TMED5: variants seen among roughly 807,000 people sequenced by gnomAD.
TMED5 encodes the protein transmembrane emp24 domain-containing protein 5.
A neutral mutation model predicts 23.0 loss-of-function variants in TMED5; 27 were observed. The ratio of observed to expected loss-of-function variants is 1.17; its 90% CI spans 0.86 to 1.62. TMED5 has a LOEUF of 1.62. Among genes scored for constraint, TMED5 ranks in the 40% most tolerant of loss-of-function variants. The pLI is 0.00. For synonymous variants in TMED5, 97 were observed against 100.8 expected, an observed-to-expected ratio of 0.96 and a Z score of 0.23; for missense variants, 248 against 273.7, an observed-to-expected ratio of 0.91 and a Z score of 0.66.
At chr1:93,179,051 A>C (rs1455261337) in intron 1 of TMED5, among the ~76,000 whole-genome samples, 1 of 152,182 alleles carries the variant, frequency 6.6e-6, no homozygotes, top group Non-Finnish European at 1.5e-5. Flanking sequence ...TCCCAGCAAG[A>C]ATATTATGCA....
chr1:93,179,823 G>C (rs528116794), intron 1 of TMED5: 1 of 507,052 alleles, frequency 2.0e-6, no homozygotes, highest in Non-Finnish European at 3.5e-6. Flanking sequence ...CCGGAGGAAA[G>C]GGGAGAAGGC....
At chr1:93,170,352 G>A (rs1336940046) in intron 1 of TMED5, among the ~76,000 whole-genome samples, 4 of 152,328 alleles carry the variant, frequency 2.6e-5, no homozygotes, top group East Asian at 1.9e-4. Context: ...CCGCGGCCCC[G>A]CACTGGGAGC....
intron 1 of TMED5, among the ~76,000 whole-genome samples, chr1:93,167,748 T>C (rs1012089619): frequency 2.0e-5 from 3 of 152,220 alleles, no homozygotes; most frequent in African/African-American, 7.2e-5. Context: ...CCTTTATTTG[T>C]TTCTCTTCTC....
chr1:93,178,770 A>G (rs1649056522), intron 1 of TMED5, among the ~76,000 whole-genome samples: 1 of 152,222 alleles, frequency 6.6e-6, no homozygotes, highest in Admixed American at 6.5e-5. Flanking sequence ...ACTTAATCCT[A>G]AAGTTCCATC....
At chr1:93,160,027 C>G in intron 2 of TMED5, 102 bp downstream of exon 2, 1 of 646,390 alleles carries the variant, frequency 1.5e-6, no homozygotes, top group Non-Finnish European at 2.8e-6. Flanking sequence ...ATGGAATTAT[C>G]TAATATTGAT....
chr1:93,175,069 C>A (rs752331867), intron 1 of TMED5, among the ~76,000 whole-genome samples: 16 of 146,606 alleles, frequency 1.1e-4, no homozygotes, highest in Non-Finnish European at 1.9e-4. Flanking sequence ...TACACACACA[C>A]AGACTCACAT....
intron 1 of TMED5, 145 bp from the exon 2 acceptor site, chr1:93,160,371 A>C: frequency 1.9e-6 from 1 of 516,454 alleles, no homozygotes; most frequent in Non-Finnish European, 3.5e-6. Context: ...AAAGAACCAA[A>C]AGATCATCTA....
At chr1:93,173,994 G>A (rs540492572) in intron 1 of TMED5, among the ~76,000 whole-genome samples, 199 of 151,634 alleles carry the variant, frequency 1.3e-3, no homozygotes, top group African/African-American at 4.7e-3. Context: ...GTCTCACTCT[G>A]TCACCCAGGC....
intron 1 of TMED5, chr1:93,162,313 T>C (rs1255803184): frequency 6.6e-6 from 1 of 152,166 alleles, no homozygotes; most frequent in Non-Finnish European, 1.5e-5. Context: ...TTAAAATCTA[T>C]AGGCTGGGTG....
At chr1:93,160,854 A>G (rs1251379776) in intron 1 of TMED5, 1 of 141,736 alleles carries the variant, frequency 7.1e-6, no homozygotes, top group Non-Finnish European at 1.5e-5. Flanking sequence ...GCCCCCCCAA[A>G]AAAAGACTTA....
intron 1 of TMED5, among the ~76,000 whole-genome samples, chr1:93,167,929 C>T (rs1170937555): frequency 6.6e-6 from 1 of 152,126 alleles, no homozygotes; most frequent in Non-Finnish European, 1.5e-5. Context: ...TATGTTTCTT[C>T]TATACCCAGT....
rs1255156752 is a variant in TMED5 at position 93,152,893 on chromosome 1, G to C, written c.*1777C>G. The C allele has an allele frequency of 6.6e-6, 1 of 152,294 alleles. No individual in the cohort carries two copies. Among genetic ancestry groups the C allele is most frequent in the African/African-American group, 2.4e-5 (1 of 41,358 alleles). 9.4% of individuals were successfully genotyped at this position (152,294 alleles called of 1,614,324 possible). On this transcript the variant is annotated 3_prime_UTR_variant, in exon 4 of 4. Transcript: ENST00000370282. Reference sequence around the variant, plus strand: ...CCCTAGACACCTGAAGCATTTTCTTGGCCAATTAAGGTAATTGATCATATA... The same window carrying C: ...CCCTAGACACCTGAAGCATTTTCTTCGCCAATTAAGGTAATTGATCATATA...
Position 93,180,113 on chromosome 1 carries a change from G to A in TMED5, c.130C>T (p.Gln44Ter). 6.2e-7 allele frequency: 1 copy of A among 1,613,794 alleles called. No individual in the cohort carries two copies. Among genetic ancestry groups the A allele is most frequent in the Non-Finnish European group, 8.5e-7 (1 of 1,179,824 alleles). The change falls in exon 1 of 4, where the codon CAG becomes TAG. Residue 44 changes from glutamine (Q) to a stop codon, truncating the protein, a stop_gained. Transcript: ENST00000370282. LOFTEE classifies it high-confidence loss of function. ...ATGGGCTGGTAGAAGCACTCCTTCT[G>A]GCCGGCGGGAAGGGTAAAGGTGAAG... ...SDFTFTLPAG[Q>*]KECFYQPMPL... is the part of the protein sequence containing the mutation.
chr1:93,160,931 T>G (rs1648254159), intron 1 of TMED5: 1 of 151,832 alleles, frequency 6.6e-6, no homozygotes, highest in South Asian at 2.1e-4. Context: ...AATTAACTGT[T>G]TCTTAGCCTG....
intron 2 of TMED5, among the ~76,000 whole-genome samples, chr1:93,157,106 C>T (rs1384271354): frequency 2.0e-5 from 3 of 152,038 alleles, no homozygotes; most frequent in African/African-American, 7.2e-5. Context: ...ATCATGAGTT[C>T]AATTCATATG....
At chr1:93,157,551 C>T (rs1403189539) in intron 2 of TMED5, among the ~76,000 whole-genome samples, 10 of 151,988 alleles carry the variant, frequency 6.6e-5, no homozygotes, top group African/African-American at 2.4e-4. Flanking sequence ...AAAGTGAGAC[C>T]TTGTCTCTAC....
chr1:93,168,253 A>C (rs576936798), intron 1 of TMED5, among the ~76,000 whole-genome samples: 35 of 152,232 alleles, frequency 2.3e-4, no homozygotes, highest in Non-Finnish European at 5.0e-4. Flanking sequence ...AAGTACAATG[A>C]ATAGAAAGGA....
At position 93,160,214 on chromosome 1, in the gene TMED5, C is replaced by T; in HGVS notation, c.202G>A (p.Ala68Thr). 6.2e-7 allele frequency: 1 copy of T among 1,609,416 alleles called. No individual in the cohort carries two copies. The highest frequency in any genetic ancestry group is 2.2e-5 in the East Asian group (1 of 44,784). ...LEIEYQVLDGAGLDIDFHLAS... is the reference protein window; with the variant it reads ...LEIEYQVLDGTGLDIDFHLAS... ...AGATGGAAATCAATATCTAATCCTG[C>T]TCCATCTAAAACCTGTAGAAAAGCA... The change falls in exon 2 of 4, where the codon GCA becomes ACA. Residue 68 changes from alanine to threonine, a missense_variant. Physicochemically the swap from Ala to Thr is moderately conservative, Grantham distance 58. Coordinates refer to ENST00000370282, the MANE Select transcript of TMED5 (RefSeq NM_016040.5).
Position 93,154,203 on chromosome 1 carries a change from G to T in TMED5, c.*467C>A, listed in dbSNP as rs1294687453. On this transcript the variant is annotated 3_prime_UTR_variant, in exon 4 of 4. Coordinates refer to ENST00000370282, the MANE Select transcript of TMED5 (RefSeq NM_016040.5). ...AATAGAGAAAAGTTGGGCTTTTGTA[G>T]TCTAAAGATTTATTCAATCCATCAT... The T allele has an allele frequency of 6.4e-6, 1 of 155,482 alleles. No homozygotes were observed. The highest frequency in any genetic ancestry group is 6.4e-5 in the Admixed American group (1 of 15,514). The allele number at this position is 155,482 out of a possible 1,614,324, so 9.6% of individuals were successfully genotyped here.
Sources: allele counts gnomAD v4.1 joint callset (sites outside exome capture counted in the v4.1 genomes callset), GRCh38; gene constraint gnomAD v4.1.1; transcripts MANE v1.5; gene names NCBI Gene and HGNC (gene_info 2026-07-23, HGNC 2026-07-21).